The following HIVEP3 variants were observed in gnomAD, a reference collection of about 807,000 sequenced individuals.
HIVEP3 encodes the protein transcription factor HIVEP3.
In HIVEP3, 49 loss-of-function variants were observed where a neutral mutation model predicts 152.8. The observed-to-expected ratio is 0.32, with a 90% confidence interval of 0.26 to 0.41. The LOEUF (loss-of-function observed/expected upper bound fraction) is 0.41, where lower values mean the gene tolerates loss of function less well. Ranked by LOEUF, HIVEP3 falls within the 10% of genes least tolerant of loss-of-function variation. The pLI, the probability that HIVEP3 is intolerant of heterozygous loss-of-function variation, is 1.00. For synonymous variants in HIVEP3, 1,269 were observed against 1,289.0 expected (o/e 0.98, Z 0.33); for missense variants, 2,790 against 3,103.3 (o/e 0.90, Z 2.40).
intron 6 of HIVEP3, 125 bp downstream of exon 6, chr1:41,524,610 C>T: frequency 1.1e-6 from 1 of 895,528 alleles, no homozygotes; most frequent in Non-Finnish European, 1.8e-6. Context: ...GGGTGGGAAC[C>T]CAGGAAATGG....
At chr1:41,836,558 C>T (rs1643129382) in intron 1 of HIVEP3, among the ~76,000 whole-genome samples, 1 of 152,230 alleles carries the variant, frequency 6.6e-6, no homozygotes, top group Non-Finnish European at 1.5e-5. Context: ...GTTCTCAGTT[C>T]CCACAGCAAG....
intron 3 of HIVEP3, among the ~76,000 whole-genome samples, chr1:41,592,922 T>C (rs1052601684): frequency 1.4e-4 from 21 of 152,208 alleles, no homozygotes; most frequent in Admixed American, 3.9e-4. Flanking sequence ...TCTGCCAGTC[T>C]AGGCCCTGGC....
chr1:41,675,920 G>A (rs1645947489), intron 2 of HIVEP3, among the ~76,000 whole-genome samples: 3 of 150,250 alleles, frequency 2.0e-5, no homozygotes, highest in Admixed American at 1.3e-4. Flanking sequence ...ATAATGTTAT[G>A]GAGCTGAGGT....
intron 1 of HIVEP3, among the ~76,000 whole-genome samples, chr1:42,026,052 G>A (rs1403724762): frequency 6.6e-6 from 1 of 151,580 alleles, no homozygotes; most frequent in Non-Finnish European, 1.5e-5. Flanking sequence ...CTGGGCGACA[G>A]AGCAAGACCC....
chr1:41,970,578 A>C (rs1645223305), intron 1 of HIVEP3, among the ~76,000 whole-genome samples: 1 of 152,168 alleles, frequency 6.6e-6, no homozygotes, highest in Non-Finnish European at 1.5e-5. Flanking sequence ...AAAAATAGTG[A>C]ATGTGTGCTG....
intron 1 of HIVEP3, among the ~76,000 whole-genome samples, chr1:41,782,881 C>T (rs992835828): frequency 1.3e-5 from 2 of 152,040 alleles, no homozygotes; most frequent in Non-Finnish European, 2.9e-5. Flanking sequence ...GATGATGTGA[C>T]CAGGTCAGAA....
At chr1:41,951,726 G>A (rs1645108266) in intron 1 of HIVEP3, among the ~76,000 whole-genome samples, 2 of 152,148 alleles carry the variant, frequency 1.3e-5, no homozygotes, top group African/African-American at 4.8e-5. Context: ...CAGAATGAGT[G>A]CCAGTAGGGG....
intron 3 of HIVEP3, among the ~76,000 whole-genome samples, chr1:41,597,389 A>G (rs1397715684): frequency 6.6e-6 from 1 of 152,248 alleles, no homozygotes; most frequent in Non-Finnish European, 1.5e-5. Flanking sequence ...GTCTGTGGGC[A>G]TAATAATTCA....
chr1:41,673,135 T>C (rs192906914), intron 2 of HIVEP3, among the ~76,000 whole-genome samples: 1 of 151,898 alleles, frequency 6.6e-6, no homozygotes, highest in Non-Finnish European at 1.5e-5. Context: ...CCCCACCAAA[T>C]GGGGCTCAGC....
intron 1 of HIVEP3, among the ~76,000 whole-genome samples, chr1:41,975,084 A>G (rs977191572): frequency 3.9e-5 from 6 of 152,102 alleles, no homozygotes; most frequent in African/African-American, 1.2e-4. Flanking sequence ...CAGGGATGCA[A>G]GAATATAAAG....
chr1:41,707,140 G>A (rs12081162), intron 1 of HIVEP3, among the ~76,000 whole-genome samples: 19,718 of 152,146 alleles, frequency 0.13, 4,287 homozygotes, highest in African/African-American at 0.45. Flanking sequence ...CAGCTCCCCC[G>A]GGGCTGCCCC....
At chr1:41,868,475 A>G (rs1644022139) in intron 1 of HIVEP3, among the ~76,000 whole-genome samples, 1 of 152,202 alleles carries the variant, frequency 6.6e-6, no homozygotes, top group African/African-American at 2.4e-5. Flanking sequence ...TAGCCAGATG[A>G]ACCGATAAGA....
At chr1:41,871,936 T>G in intron 1 of HIVEP3, among the ~76,000 whole-genome samples, 1 of 152,334 alleles carries the variant, frequency 6.6e-6, no homozygotes, top group South Asian at 2.1e-4. Flanking sequence ...ATTTTATATG[T>G]TAGTTTTCCT....
chr1:41,648,374 T>C (rs1456233587), intron 2 of HIVEP3, among the ~76,000 whole-genome samples: 2 of 152,096 alleles, frequency 1.3e-5, no homozygotes, highest in Non-Finnish European at 2.9e-5. Context: ...ATCACCACCA[T>C]CTTACAGAGA....
At chr1:42,003,878 T>C (rs16828957) in intron 1 of HIVEP3, among the ~76,000 whole-genome samples, 1,685 of 152,110 alleles carry the variant, frequency 0.011, 33 homozygotes, top group African/African-American at 0.039. Flanking sequence ...AAGCTTGAGA[T>C]TTTTAGTTAA....
intron 1 of HIVEP3, among the ~76,000 whole-genome samples, chr1:41,746,715 G>A (rs1647077496): frequency 6.6e-6 from 1 of 152,172 alleles, no homozygotes; most frequent in Admixed American, 6.5e-5. Flanking sequence ...GACACTGTTG[G>A]AGCTTGGCCC....
At chr1:41,806,958 A>C (rs72961274) in intron 1 of HIVEP3, among the ~76,000 whole-genome samples, 10,113 of 152,002 alleles carry the variant, frequency 0.067, 1,183 homozygotes, top group African/African-American at 0.23. Flanking sequence ...ATGAGTCATC[A>C]TTAGGTCACT....
intron 5 of HIVEP3, among the ~76,000 whole-genome samples, chr1:41,526,545 A>ACTCACC (rs533041705): frequency 0.29 from 15,431 of 52,412 alleles, 2,787 homozygotes; most frequent in Non-Finnish European, 0.38. Flanking sequence ...ACACCCCCAC[A>ACTCACC]CTCACCCTCA....
intron 1 of HIVEP3, among the ~76,000 whole-genome samples, chr1:41,778,734 G>C (rs1648861533): frequency 6.6e-6 from 1 of 152,340 alleles, no homozygotes; most frequent in East Asian, 1.9e-4. Context: ...CCTCCTGGGA[G>C]CTTATGTGCT....
Sources: allele counts gnomAD v4.1 joint callset (sites outside exome capture counted in the v4.1 genomes callset), GRCh38; gene constraint gnomAD v4.1.1; transcripts MANE v1.5; gene names NCBI Gene and HGNC (gene_info 2026-07-23, HGNC 2026-07-21).